EYS: variants seen among roughly 807,000 people sequenced by gnomAD.
The protein encoded by EYS is EGF-like photoreceptor maintenance factor.
Under a neutral mutation model 282.1 loss-of-function variants are expected in EYS, and 250 were observed. The observed-to-expected ratio is 0.89, with a 90% CI of 0.80 to 0.98. The LOEUF is 0.98. EYS is among the 50% of genes least tolerant of loss of function. The pLI, the probability that EYS is intolerant of heterozygous loss-of-function variation, is 0.00. For synonymous variants in EYS, 1,355 were observed against 1,282.9 expected (o/e 1.06, Z -1.20); for missense variants, 4,016 against 3,709.0 (o/e 1.08, Z -2.15).
At chr6:64,730,294 G>T (rs1269011297) in intron 22 of EYS, among the ~76,000 whole-genome samples, 1 of 152,088 alleles carries the variant, frequency 6.6e-6, no homozygotes, top group Non-Finnish European at 1.5e-5. Flanking sequence ...ACAGGAGGAA[G>T]AAAAGAGTAA....
chr6:65,134,105 A>T (rs1186557997), intron 12 of EYS, among the ~76,000 whole-genome samples: 1 of 152,146 alleles, frequency 6.6e-6, no homozygotes, highest in Non-Finnish European at 1.5e-5. Flanking sequence ...GAAAAAGTCA[A>T]AAAACAACAG....
intron 30 of EYS, among the ~76,000 whole-genome samples, chr6:64,263,227 C>T (rs961435315): frequency 6.6e-6 from 1 of 151,912 alleles, no homozygotes; most frequent in Non-Finnish European, 1.5e-5. Flanking sequence ...TTTCTTTTTC[C>T]TCTTTATTCT....
At chr6:65,587,356 G>A (rs879610128) in intron 2 of EYS, among the ~76,000 whole-genome samples, 8 of 152,044 alleles carry the variant, frequency 5.3e-5, no homozygotes, top group Admixed American at 2.6e-4. Context: ...CCCAGGTATC[G>A]TGAGAGGGAC....
At chr6:65,461,883 A>T (rs770289121) in intron 5 of EYS, among the ~76,000 whole-genome samples, 4 of 152,158 alleles carry the variant, frequency 2.6e-5, no homozygotes, top group Non-Finnish European at 5.9e-5. Context: ...ATGATTTATC[A>T]GTCTCTTATA....
chr6:65,104,463 T>G (rs1395567820), intron 12 of EYS, among the ~76,000 whole-genome samples: 1 of 151,538 alleles, frequency 6.6e-6, no homozygotes, highest in African/African-American at 2.4e-5. Flanking sequence ...TTTTTGTTGC[T>G]TCAAGTCTCT....
chr6:64,210,140 T>C (rs1765716278), intron 31 of EYS, among the ~76,000 whole-genome samples: 1 of 152,226 alleles, frequency 6.6e-6, no homozygotes, highest in African/African-American at 2.4e-5. Flanking sequence ...TCTTCCTTTC[T>C]GAATAAGCTA....
rs1337873553 is a variant in EYS, at chr6:65,335,166, A to G, written c.1600-20T>C. 5 of 1,555,706 alleles carry G rather than the reference A, an allele frequency of 3.2e-6. No homozygotes were observed. In the South Asian group the frequency reaches 5.6e-5, roughly 17 times the overall value. On this transcript the variant is annotated intron_variant, in intron 10 of 42. Transcript: ENST00000503581. ...ACAAATCTATAGCAACGAAAGAAGT[A>G]AAAATGTTATGAATTCCCATCACTT...
At chr6:65,565,244 CAAAAA>C (rs765596305) in intron 2 of EYS, among the ~76,000 whole-genome samples, 2 of 1,618 alleles carry the variant, frequency 1.2e-3, no homozygotes, top group African/African-American at 0.017. Flanking sequence ...GACTCCGTCT[CAAAAA>C]AAAAAAAAAA....
intron 1 of EYS, among the ~76,000 whole-genome samples, chr6:65,689,483 C>A (rs905615400): frequency 6.7e-6 from 1 of 149,290 alleles, no homozygotes; most frequent in African/African-American, 2.4e-5. Context: ...ATGTAACTAA[C>A]CTGCACGTTG....
chr6:65,223,663 A>C (rs568270393), intron 12 of EYS, among the ~76,000 whole-genome samples: 1 of 152,250 alleles, frequency 6.6e-6, no homozygotes, highest in South Asian at 2.1e-4. Context: ...TAAGAACAGC[A>C]CCTTATATCA....
At chr6:64,851,350 A>C (rs947897341) in intron 19 of EYS, among the ~76,000 whole-genome samples, 4 of 152,122 alleles carry the variant, frequency 2.6e-5, no homozygotes, top group Non-Finnish European at 2.9e-5. Context: ...ATCCATGCCT[A>C]TCCCACCATA....
intron 30 of EYS, among the ~76,000 whole-genome samples, chr6:64,297,235 TC>T (rs75748586): frequency 0.69 from 104,336 of 151,982 alleles, 35,843 homozygotes; most frequent in South Asian, 0.71. Flanking sequence ...TTGTCACACT[TC>T]CCCCCCATTG....
intron 19 of EYS, among the ~76,000 whole-genome samples, chr6:64,834,762 G>A (rs935805646): frequency 4.6e-5 from 7 of 151,742 alleles, no homozygotes; most frequent in Non-Finnish European, 1.0e-4. Context: ...AAGACCAGGT[G>A]AAATAAAATG....
chr6:63,920,673 G>A (rs1325014591), intron 35 of EYS, among the ~76,000 whole-genome samples: 2 of 152,172 alleles, frequency 1.3e-5, no homozygotes, highest in Non-Finnish European at 2.9e-5. Context: ...CCTGACTGCT[G>A]TAAGGGGAGT....
At chr6:63,970,018 C>T (rs923321983) in intron 35 of EYS, among the ~76,000 whole-genome samples, 5 of 152,114 alleles carry the variant, frequency 3.3e-5, no homozygotes, top group Admixed American at 6.5e-5. Context: ...TATCTCCACA[C>T]CCAGACCCCC....
intron 35 of EYS, among the ~76,000 whole-genome samples, chr6:63,919,373 G>A (rs1764508397): frequency 1.0e-5 from 1 of 100,136 alleles, no homozygotes; most frequent in South Asian, 3.3e-4. Context: ...AACTTCATAA[G>A]ACTGAAATAT....
intron 37 of EYS, among the ~76,000 whole-genome samples, chr6:63,799,877 G>A (rs986571368): frequency 2.0e-5 from 3 of 152,212 alleles, no homozygotes; most frequent in Admixed American, 1.3e-4. Context: ...GAGGTAAAGA[G>A]GACTAGGGCA....
At chr6:64,697,298 A>G (rs1006428523) in intron 22 of EYS, among the ~76,000 whole-genome samples, 3 of 152,154 alleles carry the variant, frequency 2.0e-5, no homozygotes, top group Non-Finnish European at 4.4e-5. Context: ...GTAAAAAAAG[A>G]CAAAAAGGTC....
At chr6:64,534,173 A>G (rs1052255284) in intron 26 of EYS, among the ~76,000 whole-genome samples, 12 of 152,018 alleles carry the variant, frequency 7.9e-5, no homozygotes, top group Admixed American at 7.2e-4. Flanking sequence ...AGATCTCTAA[A>G]TTATAAAAAT....
Sources: allele counts gnomAD v4.1 joint callset (sites outside exome capture counted in the v4.1 genomes callset), GRCh38; gene constraint gnomAD v4.1.1; transcripts MANE v1.5; gene names NCBI Gene and HGNC (gene_info 2026-07-23, HGNC 2026-07-21).